Variants in COL4A4 observed in about 807,000 individuals in gnomAD.
COL4A4 encodes the protein collagen type IV alpha 4 chain, also known as collagen alpha-4(IV) chain.
COL4A4 carries 105 observed loss-of-function variants against 192.9 expected under a neutral mutation model. That is an observed-to-expected ratio of 0.54 (90% CI 0.46 to 0.64). The LOEUF is 0.64. COL4A4 is among the 30% of genes least tolerant of loss of function. The probability of loss-of-function intolerance (pLI) is 0.00; values close to 1 mark genes in which losing one functional copy is unlikely to be tolerated. For missense variants in COL4A4, 1,967 were observed against 2,169.3 expected (o/e 0.91, Z 1.85); for synonymous variants, 762 against 769.9 (o/e 0.99, Z 0.17).
intron 8 of COL4A4, 22 bp downstream of exon 8, chr2:227,114,606 C>T: frequency 6.2e-7 from 1 of 1,605,976 alleles, no homozygotes; most frequent in Non-Finnish European, 8.5e-7. Flanking sequence ...ATTTTTTAAC[C>T]CATCATGATC....
Position 227,164,203 on chromosome 2 carries a change from A to G in COL4A4, c.-298T>C, listed in dbSNP as rs1004338195. The G allele has an allele frequency of 6.5e-6, 1 of 154,316 alleles. No homozygotes were observed. 9.6% of individuals were successfully genotyped at this position (154,316 alleles called of 1,614,324 possible). A position where few individuals can be genotyped will look rare whatever the true frequency, so the allele number is the denominator to read the frequency against. On this transcript the variant is annotated 5_prime_UTR_variant, in exon 1 of 48. Coordinates refer to ENST00000396625, the MANE Select transcript of COL4A4 (RefSeq NM_000092.5). This position sits in a 1 kb window ranked among gnomAD's most constrained non-coding sequence, Gnocchi z 4.8. ...CGCGGGGAACAAGCGGGGCCTCCCGAGTGCAGACGCCCGGCGCGCCTCCCG... is the reference window on the plus strand; with the variant it reads ...CGCGGGGAACAAGCGGGGCCTCCCGGGTGCAGACGCCCGGCGCGCCTCCCG...
At chr2:227,026,498 C>CA (rs1223060129) in intron 42 of COL4A4, among the ~76,000 whole-genome samples, 1,764 of 72,578 alleles carry the variant, frequency 0.024, 30 homozygotes, top group Middle Eastern at 0.077. Context: ...GACTCCGTCT[C>CA]AAAAAAAAAA....
chr2:227,120,623 A>G (rs989633162), intron 5 of COL4A4, among the ~76,000 whole-genome samples: 1 of 152,126 alleles, frequency 6.6e-6, no homozygotes, highest in African/African-American at 2.4e-5. Context: ...AGGTTCAAGT[A>G]TATACTACTC....
At chr2:227,041,848 G>GAGAGAGAGAGAGAGAGAGAGAGAAAGAA (rs1971305412) in intron 37 of COL4A4, among the ~76,000 whole-genome samples, 2 of 38,690 alleles carry the variant, frequency 5.2e-5, no homozygotes, top group Non-Finnish European at 9.5e-5. Flanking sequence ...AAGAAAGAAA[G>GAGAGAGAGAGAGAGAGAGAGAGAAAGAA]AGAAAGAAAG....
At chr2:226,989,915 C>G in the COL4A4 span, among the ~76,000 whole-genome samples, 1 of 152,208 alleles carries the variant, frequency 6.6e-6, no homozygotes, top group Non-Finnish European at 1.5e-5. Flanking sequence ...TTTTGAGATT[C>G]CAGATATTAT....
At chr2:226,988,486 G>C in the COL4A4 span, 1 of 1,541,602 alleles carries the variant, frequency 6.5e-7, no homozygotes, top group Non-Finnish European at 8.7e-7. Context: ...TAGTGGAGTT[G>C]AGCAAAGACT....
At chr2:227,018,628 T>C (rs1325866038) in intron 44 of COL4A4, among the ~76,000 whole-genome samples, 3 of 152,002 alleles carry the variant, frequency 2.0e-5, no homozygotes, top group Admixed American at 1.3e-4. Context: ...GGTGAGAACA[T>C]AGGAAGAGAA....
the COL4A4 span, among the ~76,000 whole-genome samples, chr2:226,975,996 G>T: frequency 6.6e-6 from 1 of 151,806 alleles, no homozygotes; most frequent in Non-Finnish European, 1.5e-5. Flanking sequence ...GTTGAAAATA[G>T]GTCTCCTGCC....
At chr2:227,008,902 C>T (rs1962829826) in intron 46 of COL4A4, among the ~76,000 whole-genome samples, 2 of 152,106 alleles carry the variant, frequency 1.3e-5, no homozygotes, top group South Asian at 4.1e-4. Context: ...TTGGATGTGG[C>T]CTTTGTCAAT....
the COL4A4 span, among the ~76,000 whole-genome samples, chr2:226,989,139 T>C: frequency 7.4e-4 from 113 of 152,384 alleles, no homozygotes; most frequent in African/African-American, 2.6e-3. Context: ...ACCAGCTATT[T>C]GGCTTTGCCA....
intron 1 of COL4A4, among the ~76,000 whole-genome samples, chr2:227,159,352 G>C (rs944629764): frequency 3.9e-5 from 6 of 152,208 alleles, no homozygotes; most frequent in African/African-American, 9.7e-5. Context: ...GAGGCAGAAA[G>C]AAACTTCTGG....
intron 6 of COL4A4, 111 bp downstream of exon 6, chr2:227,119,784 A>G (rs977192427): frequency 4.4e-5 from 20 of 452,500 alleles, no homozygotes; most frequent in Non-Finnish European, 6.9e-5. Context: ...TAATATATAT[A>G]TTGTGGTTTC....
chr2:227,004,661 A>G lies in COL4A4; in HGVS notation c.*2664T>C, dbSNP rs1207261047. 1 of 152,230 alleles carries G rather than the reference A, an allele frequency of 6.6e-6. No homozygotes were observed. The highest frequency in any genetic ancestry group is 2.4e-5 in the African/African-American group (1 of 41,426). 9.4% of individuals were successfully genotyped at this position (152,230 alleles called of 1,614,324 possible). A position where few individuals can be genotyped will look rare whatever the true frequency, so the allele number is the denominator to read the frequency against. ...GAGGAGGTAGCCATCCAAAGCAGCG[A>G]TGACTCAGCTTTCAATGTGGGGAGT... On this transcript the variant is annotated 3_prime_UTR_variant, in exon 48 of 48. Coordinates refer to ENST00000396625, the MANE Select transcript of COL4A4 (RefSeq NM_000092.5).
At chr2:227,083,233 A>AT (rs1559576656) in intron 22 of COL4A4, among the ~76,000 whole-genome samples, 1 of 151,916 alleles carries the variant, frequency 6.6e-6, no homozygotes, top group East Asian at 1.9e-4. Flanking sequence ...TGTGTCAAAA[A>AT]ATATATATAT....
At position 227,049,557 on chromosome 2, in the gene COL4A4, A is replaced by T. The variant is rs936590566; in HGVS notation, c.3214+511T>A. 8.0e-5 allele frequency among the ~76,000 whole-genome samples: 12 copies of T among 150,312 alleles called. No homozygotes were observed. The East Asian group carries it at 1.2e-3, about 14-fold the overall frequency. ...GCTATAGTAAAAAAATAATAATAAT[A>T]ATAAAAAACCCAATTGTAAATTACA... On this transcript the variant is annotated intron_variant, in intron 34 of 47. Transcript: ENST00000396625.
At chr2:227,079,860 C>T (rs1015542982) in intron 24 of COL4A4, among the ~76,000 whole-genome samples, 2 of 152,182 alleles carry the variant, frequency 1.3e-5, no homozygotes, top group African/African-American at 4.8e-5. Context: ...TTTTAAGTTC[C>T]TAAGCATCGG....
chr2:227,093,290 T>TAAACA lies in COL4A4; in HGVS notation c.1369+830_1369+834dup, dbSNP rs367690088. 1.4e-3 allele frequency among the ~76,000 whole-genome samples: 206 copies of TAAACA among 151,930 alleles called. 1 individual carries two copies. Among genetic ancestry groups the TAAACA allele is most frequent in the Admixed American group, 3.1e-3 (48 of 15,250 alleles). On this transcript the variant is annotated intron_variant, in intron 20 of 47. Transcript: ENST00000396625. ...ATAATGCTAATAAAAAGCCACCAGG[T>TAAACA]AAACAAAACAAAACAAAACAAAACA...
intron 43 of COL4A4, among the ~76,000 whole-genome samples, chr2:227,024,123 G>A (rs945580862): frequency 3.3e-5 from 5 of 152,146 alleles, no homozygotes; most frequent in Non-Finnish European, 5.9e-5. Flanking sequence ...AGGGCATTCT[G>A]GCTCCAAACC....
chr2:226,971,253 TA>T, the COL4A4 span, among the ~76,000 whole-genome samples: 1 of 152,170 alleles, frequency 6.6e-6, no homozygotes, highest in Non-Finnish European at 1.5e-5. Context: ...AGGTGCTTAC[TA>T]AATGCTTGTT....
Sources: allele counts gnomAD v4.1 joint callset (sites outside exome capture counted in the v4.1 genomes callset), GRCh38; gene constraint gnomAD v4.1.1; non-coding constraint Gnocchi (gnomAD v3.1); transcripts MANE v1.5; gene names NCBI Gene and HGNC (gene_info 2026-07-23, HGNC 2026-07-21).